The following BEND4 variants were observed in gnomAD, a reference collection of about 807,000 sequenced individuals.
BEND4 encodes BEN domain containing 4, also known as BEN domain-containing protein 4.
BEND4 carries 27 observed loss-of-function variants against 54.7 expected under a neutral mutation model. The ratio of observed to expected loss-of-function variants is 0.49; its 90% CI spans 0.36 to 0.68. The LOEUF is 0.68. Ranked by LOEUF, BEND4 falls within the 30% of genes least tolerant of loss-of-function variation. The pLI is 0.00. For missense variants in BEND4, 702 were observed against 697.2 expected (o/e 1.01, Z -0.08); for synonymous variants, 327 against 299.5 (o/e 1.09, Z -0.95).
chr4:42,122,345 A>G (rs13103909), intron 4 of BEND4, among the ~76,000 whole-genome samples: 24,877 of 152,100 alleles, frequency 0.16, 2,213 homozygotes, highest in African/African-American at 0.24. Context: ...GCCGTCTCCC[A>G]CCAGAAAAAA....
intron 3 of BEND4, among the ~76,000 whole-genome samples, chr4:42,127,116 A>T (rs1720318649): frequency 6.6e-6 from 1 of 152,204 alleles, no homozygotes; most frequent in Non-Finnish European, 1.5e-5. Context: ...ATTTTATGCA[A>T]TGCTAATATA....
rs73153401 is a variant in BEND4, at chr4:42,125,642, T to A, written c.1087A>T (p.Met363Leu). ...PCQTVLDYLKMVLQHHNQLLI... is the reference protein window; with the variant it reads ...PCQTVLDYLKLVLQHHNQLLI... ...AGTTGGTTGTGGTGCTGCAGAACCA[T>A]CTTCAAGTAATCTAAAACGGTCTGG... Residue 363 changes from methionine to leucine, a missense_variant, in exon 4 of 6, where the codon ATG becomes TTG. By Grantham distance (15) the Met-to-Leu change is conservative. Transcript: ENST00000502486. The A allele has an allele frequency of 6.4e-4, 1,036 of 1,613,386 alleles. 8 individuals are homozygous for A. The African/African-American group carries it at 0.012, about 19-fold the overall frequency.
chr4:42,120,123 A>G lies in BEND4; in HGVS notation c.1318T>C (p.Ser440Pro). The G allele has an allele frequency of 1.2e-6, 2 of 1,613,910 alleles. No homozygotes were observed. Among genetic ancestry groups the G allele is most frequent in the South Asian group, 2.2e-5 (2 of 91,074 alleles). The change falls in exon 5 of 6, where the codon TCA becomes CCA. Residue 440 changes from serine (S) to proline (P), a missense_variant. Physicochemically the swap from Ser to Pro is moderately conservative, Grantham distance 74. Transcript: ENST00000502486. ...GGACCTGTCTCTCCTGACTGCACTG[A>G]CCTTTTCCTTTTCCCAAGGCCGCAT... ...YSCGLGKRKRSVQSGETGPER... is the reference protein window; with the variant it reads ...YSCGLGKRKRPVQSGETGPER...
intron 3 of BEND4, among the ~76,000 whole-genome samples, chr4:42,138,659 A>T (rs985643107): frequency 6.6e-6 from 1 of 152,220 alleles, no homozygotes; most frequent in Admixed American, 6.5e-5. Context: ...CCTTTTAACT[A>T]TATATCCTCT....
At chr4:42,141,503 C>T (rs527323542) in intron 3 of BEND4, among the ~76,000 whole-genome samples, 95 of 152,206 alleles carry the variant, frequency 6.2e-4, no homozygotes, top group Non-Finnish European at 1.1e-3. Flanking sequence ...GGGCCAAGGC[C>T]GGCGGATCAC....
In BEND4 at chr4:42,134,724, C is replaced by A. The variant is rs150813338; in HGVS notation, c.1054+8704G>T. On this transcript the variant is annotated intron_variant, in intron 3 of 5. Coordinates refer to ENST00000502486, the MANE Select transcript of BEND4 (RefSeq NM_207406.4). The stretch of plus-strand genomic sequence containing the variant: ...GTGCTTGCTTGCGAACTGTGGGAAG[C>A]ATTTGTTACAGTGTCACCTGAGCTG... 6.0e-3 allele frequency among the ~76,000 whole-genome samples: 911 copies of A among 152,282 alleles called. 6 individuals carry two copies. The highest frequency in any genetic ancestry group is 1.0e-2 in the Non-Finnish European group (678 of 68,026).
chr4:42,126,080 T>A (rs960009661), intron 3 of BEND4, among the ~76,000 whole-genome samples: 5 of 151,916 alleles, frequency 3.3e-5, no homozygotes, highest in African/African-American at 1.2e-4. Context: ...AAAAAAAAAA[T>A]ATTTTCTAAA....
Position 42,117,745 on chromosome 4 carries a change from T to C in BEND4, c.1388-10A>G, listed in dbSNP as rs1437469297. Reference sequence around the variant, plus strand: ...TGCATCCTAATGAATTCTGCAGGAATATATACAACATCAAAAAGAGAGAGA... The same window carrying C: ...TGCATCCTAATGAATTCTGCAGGAACATATACAACATCAAAAAGAGAGAGA... On this transcript the variant is annotated splice_polypyrimidine_tract_variant and intron_variant, in intron 5 of 5. Transcript: ENST00000502486. 5 of 1,554,960 alleles carry C rather than the reference T, an allele frequency of 3.2e-6. No homozygotes were observed. Among genetic ancestry groups the C allele is most frequent in the Non-Finnish European group, 4.4e-6 (5 of 1,141,584 alleles).
chr4:42,130,070 C>G (rs991478125), intron 3 of BEND4, among the ~76,000 whole-genome samples: 2 of 152,036 alleles, frequency 1.3e-5, no homozygotes, highest in South Asian at 2.1e-4. Context: ...ACAAACAACC[C>G]CATTAAAAAG....
intron 5 of BEND4, among the ~76,000 whole-genome samples, chr4:42,119,206 C>T (rs16854033): frequency 0.078 from 11,783 of 151,934 alleles, 1,175 homozygotes; most frequent in African/African-American, 0.24. Context: ...AGTGATAATC[C>T]GGCTTTTTTT....
In BEND4 at chr4:42,114,154, T is replaced by A. The variant is rs1259545539; in HGVS notation, c.*3364A>T. ...CACCGTCAAGAGTCAGTGAGAAATG[T>A]GACTTTAGTAACTGCTTGCAAAATA... is the stretch of plus-strand genomic sequence containing the variant. On this transcript the variant is annotated 3_prime_UTR_variant, in exon 6 of 6. Coordinates refer to ENST00000502486, the MANE Select transcript of BEND4 (RefSeq NM_207406.4). 6.6e-6 allele frequency: 1 copy of A among 152,208 alleles called. No homozygotes were observed. The highest frequency in any genetic ancestry group is 2.4e-5 in the African/African-American group (1 of 41,446). The allele number at this position is 152,208 out of a possible 1,614,324, so 9.4% of individuals were successfully genotyped here. A position where few individuals can be genotyped will look rare whatever the true frequency, so the allele number is the denominator to read the frequency against.
chr4:42,124,494 C>G (rs535154850), intron 4 of BEND4, among the ~76,000 whole-genome samples: 3 of 152,100 alleles, frequency 2.0e-5, no homozygotes, highest in Admixed American at 6.5e-5. Context: ...GGCAAGGAAC[C>G]AGGAGAAAGT....
intron 2 of BEND4, among the ~76,000 whole-genome samples, chr4:42,147,909 AT>A (rs1721133336): frequency 6.6e-6 from 1 of 152,146 alleles, no homozygotes; most frequent in South Asian, 2.1e-4. Flanking sequence ...CTTGAATGGA[AT>A]TTGCCCATCA....
Position 42,113,950 on chromosome 4 carries a change from A to C in BEND4, c.*3568T>G, listed in dbSNP as rs1332246469. On this transcript the variant is annotated 3_prime_UTR_variant, in exon 6 of 6. Coordinates refer to ENST00000502486, the MANE Select transcript of BEND4 (RefSeq NM_207406.4). ...GTCACCTAAATGCTGTGGTGGAATG[A>C]GGAAAACCAAAAAAGTGATGCGCGG... 1 of 152,240 alleles carries C rather than the reference A, an allele frequency of 6.6e-6. No homozygotes were observed. The highest frequency in any genetic ancestry group is 2.4e-5 in the African/African-American group (1 of 41,460). 9.4% of individuals were successfully genotyped at this position (152,240 alleles called of 1,614,324 possible).
chr4:42,125,782 A>G (rs1720256777), intron 3 of BEND4, 108 bp from the exon 4 acceptor site: 6 of 665,212 alleles, frequency 9.0e-6, no homozygotes, highest in South Asian at 2.1e-5. Flanking sequence ...ACTGGCACCC[A>G]TACTGGAGTG....
At chr4:42,149,249 T>C (rs1279761674) in intron 2 of BEND4, among the ~76,000 whole-genome samples, 1 of 143,462 alleles carries the variant, frequency 7.0e-6, no homozygotes. Context: ...CACATGCTTA[T>C]TGGTTCAAAG....
At position 42,139,020 on chromosome 4, in the gene BEND4, T is replaced by G. The variant is rs73812743; in HGVS notation, c.1054+4408A>C. On this transcript the variant is annotated intron_variant, in intron 3 of 5. Transcript: ENST00000502486. The stretch of plus-strand genomic sequence containing the variant: ...GCCCTCTTTTATGAGTTCTCCTTAG[T>G]GTTGACTAAGCTTCCTAAGTAAATG... Among the ~76,000 whole-genome samples, 1,354 of 152,304 alleles carry G rather than the reference T, an allele frequency of 8.9e-3. 25 individuals are homozygous for G. Among genetic ancestry groups the G allele is most frequent in the African/African-American group, 0.031 (1,276 of 41,566 alleles).
chr4:42,137,772 C>A (rs1364315307), intron 3 of BEND4, among the ~76,000 whole-genome samples: 1 of 152,092 alleles, frequency 6.6e-6, no homozygotes, highest in Non-Finnish European at 1.5e-5. Context: ...AAACAAATAA[C>A]CCAATTACAA....
chr4:42,133,812 C>T (rs1720594647), intron 3 of BEND4, among the ~76,000 whole-genome samples: 1 of 152,194 alleles, frequency 6.6e-6, no homozygotes, highest in Non-Finnish European at 1.5e-5. Flanking sequence ...CGAGATAGTG[C>T]CACTGCACTC....
Sources: allele counts gnomAD v4.1 joint callset (sites outside exome capture counted in the v4.1 genomes callset), GRCh38; gene constraint gnomAD v4.1.1; transcripts MANE v1.5; gene names NCBI Gene and HGNC (gene_info 2026-07-23, HGNC 2026-07-21).